RGS7: variants seen among roughly 807,000 people sequenced by gnomAD.
RGS7 encodes the protein regulator of G-protein signaling 7.
RGS7 carries 27 observed loss-of-function variants against 81.1 expected under a neutral mutation model. The observed-to-expected ratio is 0.33, with a 90% confidence interval of 0.25 to 0.46. The LOEUF is 0.46. Among genes scored for constraint, RGS7 ranks in the 20% least tolerant of loss-of-function variants. RGS7 has a pLI of 1.00. For missense variants in RGS7, 396 were observed against 607.4 expected, an observed-to-expected ratio of 0.65 and a Z score of 3.66; for synonymous variants, 208 against 207.7, an observed-to-expected ratio of 1.00 and a Z score of -0.01.
At chr1:240,823,966 T>C (rs2103171652) in intron 10 of RGS7, among the ~76,000 whole-genome samples, 1 of 152,308 alleles carries the variant, frequency 6.6e-6, no homozygotes, top group African/African-American at 2.4e-5. Context: ...GATTTCTTTC[T>C]GGCTATGCTA....
At chr1:241,070,219 G>A (rs944448795) in intron 3 of RGS7, among the ~76,000 whole-genome samples, 1 of 151,478 alleles carries the variant, frequency 6.6e-6, no homozygotes, top group South Asian at 2.1e-4. Flanking sequence ...GGTTATTTTC[G>A]TGAAAGATAA....
At chr1:241,283,804 T>A (rs923015753) in intron 2 of RGS7, among the ~76,000 whole-genome samples, 7 of 152,156 alleles carry the variant, frequency 4.6e-5, no homozygotes, top group Non-Finnish European at 1.0e-4. Flanking sequence ...AGTCTTCCTA[T>A]TTAATTTCAG....
intron 3 of RGS7, among the ~76,000 whole-genome samples, chr1:240,990,092 T>C (rs114096497): frequency 1.3e-3 from 202 of 152,252 alleles, no homozygotes; most frequent in African/African-American, 4.6e-3. Context: ...TGATGAAGGG[T>C]CTCAGCTGCA....
chr1:241,337,136 T>A (rs2082286934), intron 2 of RGS7, among the ~76,000 whole-genome samples: 1 of 152,186 alleles, frequency 6.6e-6, no homozygotes, highest in African/African-American at 2.4e-5. Context: ...GAGATGACAC[T>A]CACCTTACTG....
chr1:241,099,331 A>ATGCACATACACTCATGCATG (rs965914189), intron 2 of RGS7, among the ~76,000 whole-genome samples: 31 of 140,542 alleles, frequency 2.2e-4, no homozygotes, highest in Non-Finnish European at 3.0e-4. Flanking sequence ...ACACACTCTC[A>ATGCACATACACTCATGCATG]TGCACATACA....
chr1:240,780,313 G>A (rs1018993483), intron 18 of RGS7, among the ~76,000 whole-genome samples: 6 of 151,668 alleles, frequency 4.0e-5, no homozygotes, highest in East Asian at 2.0e-4. Context: ...TGGGTGTGGC[G>A]GGGCACACCT....
chr1:240,984,145 A>G (rs1449248542), intron 3 of RGS7, among the ~76,000 whole-genome samples: 1 of 152,218 alleles, frequency 6.6e-6, no homozygotes, highest in Non-Finnish European at 1.5e-5. Context: ...TATATTCAGC[A>G]GGTCTTGAAT....
rs908938656 is a variant in RGS7, at chr1:240,801,053, C to T, written c.1414-332G>A. The stretch of plus-strand genomic sequence containing the variant: ...TCATTTTCTCTCTGCAGAAGTAAAA[C>T]GCATAGAACCCTCATTGTTCTTAAC... On this transcript the variant is annotated intron_variant, in intron 17 of 18. Coordinates refer to ENST00000440928, the MANE Select transcript of RGS7 (RefSeq NM_001364886.1). Among the ~76,000 whole-genome samples the T allele has an allele frequency of 2.3e-4, 35 of 152,048 alleles. 1 individual carries two copies. Among genetic ancestry groups the T allele is most frequent in the Middle Eastern group, 6.8e-3 (2 of 294 alleles).
At chr1:240,887,655 C>T (rs573238038) in intron 6 of RGS7, among the ~76,000 whole-genome samples, 1 of 152,192 alleles carries the variant, frequency 6.6e-6, no homozygotes, top group South Asian at 2.1e-4. Flanking sequence ...TAAACAATAT[C>T]GATTAATTAC....
intron 18 of RGS7, among the ~76,000 whole-genome samples, chr1:240,794,994 C>T (rs1479236653): frequency 6.6e-6 from 1 of 152,014 alleles, no homozygotes; most frequent in Non-Finnish European, 1.5e-5. Flanking sequence ...ACCAGCCTGA[C>T]CACCATGGAG....
chr1:240,864,297 A>G lies in RGS7; in HGVS notation c.609+4290T>C, dbSNP rs560301062. On this transcript the variant is annotated intron_variant, in intron 9 of 18. Coordinates refer to ENST00000440928, the MANE Select transcript of RGS7 (RefSeq NM_001364886.1). ...ACATGTATCCCATGATCCATGTTCC[A>G]TATTATGGAAGGGTGGCAACGCCCT... 1.8e-4 allele frequency among the ~76,000 whole-genome samples: 27 copies of G among 152,268 alleles called. 1 individual carries two copies. Among genetic ancestry groups the G allele is most frequent in the Admixed American group, 1.6e-3 (24 of 15,288 alleles).
intron 6 of RGS7, among the ~76,000 whole-genome samples, chr1:240,887,334 T>C (rs1017793368): frequency 1.3e-5 from 2 of 148,934 alleles, no homozygotes; most frequent in Non-Finnish European, 3.0e-5. Flanking sequence ...GTTCACGCCA[T>C]TCTCCTGCCT....
chr1:240,791,224 A>G (rs1415527006), intron 18 of RGS7, among the ~76,000 whole-genome samples: 1 of 152,174 alleles, frequency 6.6e-6, no homozygotes, highest in Non-Finnish European at 1.5e-5. Flanking sequence ...TTACAGGAAT[A>G]AGTGGTGTAT....
intron 9 of RGS7, among the ~76,000 whole-genome samples, chr1:240,829,820 T>C (rs1693508188): frequency 6.6e-6 from 1 of 152,094 alleles, no homozygotes; most frequent in Non-Finnish European, 1.5e-5. Flanking sequence ...TTTTCTTTTT[T>C]TTAAAGAGCC....
At chr1:241,275,501 T>G (rs144987418) in intron 2 of RGS7, among the ~76,000 whole-genome samples, 99 of 152,302 alleles carry the variant, frequency 6.5e-4, no homozygotes, top group African/African-American at 2.3e-3. Context: ...ATGACTTGAT[T>G]CTTTAGAATC....
At chr1:240,931,518 T>C (rs554178431) in intron 5 of RGS7, among the ~76,000 whole-genome samples, 4 of 152,194 alleles carry the variant, frequency 2.6e-5, no homozygotes, top group Non-Finnish European at 5.9e-5. Flanking sequence ...CATTGCATCC[T>C]TGTATCCAAA....
intron 4 of RGS7, among the ~76,000 whole-genome samples, chr1:240,954,277 A>T (rs2148447028): frequency 6.6e-6 from 1 of 152,212 alleles, no homozygotes; most frequent in African/African-American, 2.4e-5. Context: ...ACTTAATACT[A>T]AAGTCAGATA....
At chr1:241,342,973 A>C (rs1004411079) in intron 2 of RGS7, among the ~76,000 whole-genome samples, 3 of 152,040 alleles carry the variant, frequency 2.0e-5, no homozygotes, top group African/African-American at 7.2e-5. Flanking sequence ...CAAAAAATTA[A>C]AAGTATAGGC....
chr1:241,242,699 G>A (rs557544946), intron 2 of RGS7, among the ~76,000 whole-genome samples: 15 of 152,178 alleles, frequency 9.9e-5, no homozygotes, highest in African/African-American at 3.4e-4. Context: ...GGTATCACAC[G>A]GTGGCTCTGA....
Sources: allele counts gnomAD v4.1 joint callset (sites outside exome capture counted in the v4.1 genomes callset), GRCh38; gene constraint gnomAD v4.1.1; transcripts MANE v1.5; gene names NCBI Gene and HGNC (gene_info 2026-07-23, HGNC 2026-07-21).